The following MAPKAPK2 variants were observed in gnomAD, a reference collection of about 807,000 sequenced individuals.
MAPKAPK2 encodes the protein MAPK activated protein kinase 2.
A neutral mutation model predicts 48.8 loss-of-function variants in MAPKAPK2; 9 were observed. The ratio of observed to expected loss-of-function variants is 0.18; its 90% CI spans 0.11 to 0.32. MAPKAPK2 has a LOEUF of 0.32. MAPKAPK2 is among the 10% of genes least tolerant of loss of function. The probability of loss-of-function intolerance (pLI) is 1.00; values close to 1 mark genes in which losing one functional copy is unlikely to be tolerated. For synonymous variants in MAPKAPK2, 202 were observed against 190.6 expected (o/e 1.06, Z -0.49); for missense variants, 331 against 498.3 (o/e 0.66, Z 3.20).
Position 206,723,007 on chromosome 1 carries a change from A to G in MAPKAPK2, c.280-5703A>G, listed in dbSNP as rs115777304. 9.8e-3 allele frequency among the ~76,000 whole-genome samples: 1,499 copies of G among 152,354 alleles called. 20 individuals are homozygous for G. Among genetic ancestry groups the G allele is most frequent in the African/African-American group, 0.035 (1,453 of 41,566 alleles). On this transcript the variant is annotated intron_variant, in intron 1 of 9. Transcript: ENST00000367103. ...TGAAGAGGAGGTCTTATTTGCCAAC[A>G]CATACCGCACCACACACCCACAACA...
At chr1:206,730,863 T>G in intron 6 of MAPKAPK2, 100 bp downstream of exon 6, 1 of 1,282,016 alleles carries the variant, frequency 7.8e-7, no homozygotes, top group South Asian at 1.2e-5. Flanking sequence ...TTCCCCTTTG[T>G]ACAGGGGAGT....
At chr1:206,699,160 C>T (rs1672720220) in intron 1 of MAPKAPK2, among the ~76,000 whole-genome samples, 1 of 152,206 alleles carries the variant, frequency 6.6e-6, no homozygotes, top group East Asian at 1.9e-4. Flanking sequence ...TCTCAAAATC[C>T]AGATCTTACC....
Position 206,731,010 on chromosome 1 carries a change from G to A in MAPKAPK2, c.768-128G>A. ...GGGCTTGACTTTGTATATTGTGCCT[G>A]TGTCAATAAGCCCTGATTTCTCTGT... On this transcript the variant is annotated intron_variant, in intron 6 of 9. Transcript: ENST00000367103. This position sits in a 1 kb window ranked among gnomAD's most constrained non-coding sequence, Gnocchi z 5.9. 2 of 1,320,818 alleles carry A rather than the reference G, an allele frequency of 1.5e-6. No individual in the cohort carries two copies. Among genetic ancestry groups the A allele is most frequent in the South Asian group, 2.5e-5 (2 of 79,506 alleles). 81.8% of individuals were successfully genotyped at this position (1,320,818 alleles called of 1,614,324 possible).
intron 6 of MAPKAPK2, 129 bp downstream of exon 6, chr1:206,730,892 C>G (rs1673879255): frequency 3.8e-6 from 4 of 1,060,268 alleles, no homozygotes; most frequent in African/African-American, 1.6e-5. Context: ...TGCCCCTTCT[C>G]TCAGTTCCGA....
intron 5 of MAPKAPK2, 43 bp from the exon 6 acceptor site, chr1:206,730,645 G>C: frequency 3.3e-6 from 5 of 1,526,958 alleles, no homozygotes; most frequent in Non-Finnish European, 4.5e-6. Context: ...TGGATCACAG[G>C]GTTCTGAGGG....
At chr1:206,689,213 T>C (rs541596794) in intron 1 of MAPKAPK2, among the ~76,000 whole-genome samples, 15 of 152,232 alleles carry the variant, frequency 9.9e-5, no homozygotes, top group Non-Finnish European at 1.9e-4. Context: ...GGTCCTGTAG[T>C]TTCTTTTCCT....
At chr1:206,724,652 GA>G (rs1169566910) in intron 1 of MAPKAPK2, among the ~76,000 whole-genome samples, 1 of 149,786 alleles carries the variant, frequency 6.7e-6, no homozygotes, top group Non-Finnish European at 1.5e-5. Flanking sequence ...GTTTCTCTAA[GA>G]AATTTAAAAT....
chr1:206,696,305 CA>C (rs1672623355), intron 1 of MAPKAPK2: 8 of 878,260 alleles, frequency 9.1e-6, no homozygotes, highest in Non-Finnish European at 1.4e-5. Flanking sequence ...CACAGGAACG[CA>C]AGGCACCTCT....
Position 206,731,250 on chromosome 1 carries a change from G to A in MAPKAPK2, c.880G>A (p.Val294Ile). The change falls in exon 7 of 10, where the codon GTA (valine) becomes ATA (isoleucine). Residue 294 changes from valine (V) to isoleucine (I), a missense_variant. Val to Ile is a conservative substitution (Grantham distance 29). Around this residue, in one of 4 missense-constraint regions of MAPKAPK2, gnomAD observed 124 missense variants for 194.6 expected, o/e 0.64. Coordinates refer to ENST00000367103, the MANE Select transcript of MAPKAPK2 (RefSeq NM_032960.4). This position sits in a 1 kb window ranked among gnomAD's most constrained non-coding sequence, Gnocchi z 5.9. The stretch of plus-strand genomic sequence containing the variant: ...ATTTCCCAACCCAGAATGGTCAGAA[G>A]TATCAGAGGAAGGTAAGAACCCAGG... ...YEFPNPEWSE[V>I]SEEVKMLIRN... The A allele has an allele frequency of 6.2e-7, 1 of 1,614,194 alleles. No individual in the cohort carries two copies. The highest frequency in any genetic ancestry group is 8.5e-7 in the Non-Finnish European group (1 of 1,180,042).
At chr1:206,729,923 C>G in intron 4 of MAPKAPK2, 49 bp from the exon 5 acceptor site, 1 of 1,612,232 alleles carries the variant, frequency 6.2e-7, no homozygotes, top group Non-Finnish European at 8.5e-7. Context: ...TTCTGATAGC[C>G]CCTCCCAGGT....
rs371879562 is a variant in MAPKAPK2, at chr1:206,685,361, G to T, written c.132G>T (p.Pro44=). 4 of 1,368,592 alleles carry T rather than the reference G, an allele frequency of 2.9e-6. No homozygotes were observed. Among genetic ancestry groups the T allele is most frequent in the East Asian group, 4.9e-5 (1 of 20,468 alleles). 84.8% of individuals were successfully genotyped at this position (1,368,592 alleles called of 1,614,324 possible). The change falls in exon 1 of 10, where the codon CCG becomes CCT. Residue 44 remains proline (P), a synonymous_variant. Coordinates refer to ENST00000367103, the MANE Select transcript of MAPKAPK2 (RefSeq NM_032960.4). The stretch of plus-strand genomic sequence containing the variant: ...CGCCGCCGCCCCCGCAGCAGTTCCC[G>T]CAGTTCCACGTCAAGTCCGGCCTGC... The part of the protein sequence containing the change: ...QPPPPPPQQF[P]QFHVKSGLQI...
At chr1:206,701,261 A>T (rs1383613115) in intron 1 of MAPKAPK2, among the ~76,000 whole-genome samples, 1 of 152,212 alleles carries the variant, frequency 6.6e-6, no homozygotes, top group Non-Finnish European at 1.5e-5. Context: ...ATTGAAATTA[A>T]GTGTTAATAA....
chr1:206,689,154 C>T lies in MAPKAPK2; in HGVS notation c.279+3646C>T, dbSNP rs563375785. On this transcript the variant is annotated intron_variant, in intron 1 of 9. Coordinates refer to ENST00000367103, the MANE Select transcript of MAPKAPK2 (RefSeq NM_032960.4). ...TGCTTTATAAAATATAGAATGTTGT[C>T]GTAACTTATCTCTGTGTATCTTTCC... Among the ~76,000 whole-genome samples, 7 of 152,278 alleles carry T rather than the reference C, an allele frequency of 4.6e-5. No individual in the cohort carries two copies. The East Asian group carries it at 1.2e-3, about 25-fold the overall frequency.
intron 1 of MAPKAPK2, among the ~76,000 whole-genome samples, chr1:206,701,587 A>C (rs1672795367): frequency 6.6e-6 from 1 of 152,060 alleles, no homozygotes; most frequent in Non-Finnish European, 1.5e-5. Flanking sequence ...TAATCCCAGC[A>C]GTTCATGAGG....
intron 1 of MAPKAPK2, among the ~76,000 whole-genome samples, chr1:206,692,476 C>G (rs143640332): frequency 6.6e-6 from 1 of 152,226 alleles, no homozygotes; most frequent in East Asian, 1.9e-4. Flanking sequence ...GCAGCTGTTT[C>G]AGCCCCGGAG....
intron 1 of MAPKAPK2, among the ~76,000 whole-genome samples, chr1:206,719,904 G>A (rs890205510): frequency 1.3e-5 from 2 of 152,212 alleles, no homozygotes; most frequent in South Asian, 2.1e-4. Flanking sequence ...CTTTGAGCTT[G>A]TTTTTGGTGT....
chr1:206,701,900 C>T (rs1164396266), intron 1 of MAPKAPK2, among the ~76,000 whole-genome samples: 1 of 150,702 alleles, frequency 6.6e-6, no homozygotes, highest in Non-Finnish European at 1.5e-5. Flanking sequence ...GAGATGGTCA[C>T]CTGGCCCAGT....
In MAPKAPK2 at chr1:206,703,746, T is replaced by C. The variant is rs138272171; in HGVS notation, c.279+18238T>C. On this transcript the variant is annotated intron_variant, in intron 1 of 9. Coordinates refer to ENST00000367103, the MANE Select transcript of MAPKAPK2 (RefSeq NM_032960.4). ...GGGGAGAGCTGACATCAGAGCCTCC[T>C]CCCTTCTAGATCACAACCAGAGCAT... is the stretch of plus-strand genomic sequence containing the variant. Among the ~76,000 whole-genome samples the C allele has an allele frequency of 5.3e-5, 8 of 152,324 alleles. No homozygotes were observed. In the South Asian group the frequency reaches 1.0e-3, roughly 20 times the overall value.
intron 1 of MAPKAPK2, among the ~76,000 whole-genome samples, chr1:206,709,781 C>A (rs1673080092): frequency 6.6e-6 from 1 of 152,064 alleles, no homozygotes; most frequent in Non-Finnish European, 1.5e-5. Context: ...ACCAGATAAG[C>A]CTTTGTTTGT....
Sources: gnomAD v4.1 joint callset for allele counts (sites outside exome capture counted in the v4.1 genomes callset) on GRCh38, gnomAD v4.1.1 for gene constraint, gnomAD v4.1.1 regional missense constraint, Gnocchi (gnomAD v3.1) non-coding constraint, MANE v1.5 for transcripts, NCBI Gene and HGNC (gene_info 2026-07-23, HGNC 2026-07-21) for gene names.